ABCC4: variants seen among roughly 807,000 people sequenced by gnomAD.
ABCC4 encodes ATP-binding cassette sub-family C member 4.
A neutral mutation model predicts 168.5 loss-of-function variants in ABCC4; 102 were observed. The ratio of observed to expected loss-of-function variants is 0.61; its 90% CI spans 0.52 to 0.71. The LOEUF (loss-of-function observed/expected upper bound fraction) is 0.71. ABCC4 is among the 30% of genes least tolerant of loss of function. The pLI is 0.00. For missense variants in ABCC4, 1,402 were observed against 1,605.8 expected (o/e 0.87, Z 2.17); for synonymous variants, 617 against 590.7 (o/e 1.04, Z -0.65).
At chr13:95,121,269 T>A (rs74105434) in intron 19 of ABCC4, among the ~76,000 whole-genome samples, 2,983 of 152,258 alleles carry the variant, frequency 0.02, 84 homozygotes, top group African/African-American at 0.066. Flanking sequence ...CCAAAGATCA[T>A]GAGGATCAAA....
Position 95,053,196 on chromosome 13 carries a change from A to G in ABCC4, c.3367-12T>C, listed in dbSNP as rs1464623485. ...AACAAAACAGGTTCCTAAGTGCCCA[A>G]AATAGTCACGGTCATTACCACAGAC... On this transcript the variant is annotated splice_polypyrimidine_tract_variant and intron_variant, in intron 26 of 30. Coordinates refer to ENST00000645237, the MANE Select transcript of ABCC4 (RefSeq NM_005845.5). The G allele has an allele frequency of 3.7e-6, 6 of 1,610,016 alleles. No individual in the cohort carries two copies. Among genetic ancestry groups the G allele is most frequent in the East Asian group, 2.2e-5 (1 of 44,858 alleles).
At position 95,205,607 on chromosome 13, in the gene ABCC4, T is replaced by A. The variant is rs1338774018; in HGVS notation, c.1161+925A>T. On this transcript the variant is annotated intron_variant, in intron 8 of 30. Transcript: ENST00000645237. ...GATATAAATTATTTGCCCCTGGCAA[T>A]TGAGTGACAGCGACTTAGGAAAAGG... Among the ~76,000 whole-genome samples, 3 of 152,248 alleles carry A rather than the reference T, an allele frequency of 2.0e-5. No individual in the cohort carries two copies. The East Asian group carries it at 5.8e-4, about 29-fold the overall frequency.
At position 95,044,317 on chromosome 13, in the gene ABCC4, C is replaced by A. The variant is rs766458578; in HGVS notation, c.3578G>T (p.Arg1193Met). Residue 1193 changes from arginine to methionine, a missense_variant, in exon 28 of 31, where the codon AGG (arginine) becomes ATG (methionine). By Grantham distance (91) the Arg-to-Met change is moderately conservative. Around this residue, in one of 3 missense-constraint regions of ABCC4, gnomAD observed 1,007 missense variants for 1,127.3 expected, o/e 0.89. Transcript: ENST00000645237. ...ATCAATAATCAATATCTGATTTTTC[C>A]TGAGAATTGCCCTGGCAAGGCACAC... Reference protein sequence around the residue: ...QLVCLARAILRKNQILIIDEA... With the variant: ...QLVCLARAILMKNQILIIDEA... The A allele has an allele frequency of 1.9e-6, 3 of 1,613,244 alleles. No homozygotes were observed. Among genetic ancestry groups the A allele is most frequent in the Admixed American group, 1.7e-5 (1 of 59,882 alleles).
At chr13:95,258,153 A>G (rs774916134) in intron 1 of ABCC4, among the ~76,000 whole-genome samples, 3 of 152,334 alleles carry the variant, frequency 2.0e-5, no homozygotes, top group East Asian at 3.9e-4. Flanking sequence ...ACAGCCTGCT[A>G]GCTGGCCTAC....
At chr13:95,185,439 C>G (rs1341476668) in intron 11 of ABCC4, among the ~76,000 whole-genome samples, 2 of 152,236 alleles carry the variant, frequency 1.3e-5, no homozygotes, top group Non-Finnish European at 1.5e-5. Context: ...ATTAAACAAG[C>G]AATGATTTCT....
chr13:95,190,468 G>A (rs564205413), intron 9 of ABCC4, among the ~76,000 whole-genome samples: 1 of 152,276 alleles, frequency 6.6e-6, no homozygotes, highest in East Asian at 1.9e-4. Context: ...GTTTACCAGA[G>A]CATGATAGGG....
chr13:95,093,923 A>C (rs1003692048), intron 20 of ABCC4, among the ~76,000 whole-genome samples: 23 of 152,132 alleles, frequency 1.5e-4, no homozygotes, highest in African/African-American at 5.3e-4. Context: ...CTTTTACAAT[A>C]GCTGCAAAAA....
chr13:95,075,581 G>A, intron 21 of ABCC4, 30 bp from the exon 22 acceptor site: 1 of 1,613,024 alleles, frequency 6.2e-7, no homozygotes, highest in Non-Finnish European at 8.5e-7. Flanking sequence ...AAACAGCTCA[G>A]TGAGGCTGGG....
Position 95,071,646 on chromosome 13 carries a change from G to C in ABCC4, c.3210+16C>G. ...ATCTTCTGAAATTGAGAAGAGGCAA[G>C]ATGCTTTAAACAAACCTTTTCTTGT... is the stretch of plus-strand genomic sequence containing the variant. On this transcript the variant is annotated intron_variant, in intron 25 of 30. Coordinates refer to ENST00000645237, the MANE Select transcript of ABCC4 (RefSeq NM_005845.5). The C allele has an allele frequency of 7.1e-7, 1 of 1,402,234 alleles. No homozygotes were observed. The highest frequency in any genetic ancestry group is 1.5e-5 in the African/African-American group (1 of 67,918). The allele number at this position is 1,402,234 out of a possible 1,614,324, so 86.9% of individuals were successfully genotyped here.
chr13:95,104,749 C>G (rs1026890307), intron 20 of ABCC4, among the ~76,000 whole-genome samples: 1 of 152,124 alleles, frequency 6.6e-6, no homozygotes, highest in African/African-American at 2.4e-5. Context: ...TCTGAGGAAG[C>G]ATAATGAGGC....
At chr13:95,210,849 C>T in intron 4 of ABCC4, 68 bp from the exon 5 acceptor site, 1 of 1,209,208 alleles carries the variant, frequency 8.3e-7, no homozygotes, top group Non-Finnish European at 1.2e-6. Context: ...TAGGACACAG[C>T]AGACCTGAGG....
intron 29 of ABCC4, among the ~76,000 whole-genome samples, chr13:95,040,012 T>G (rs1337779895): frequency 6.6e-6 from 1 of 152,214 alleles, no homozygotes; most frequent in Non-Finnish European, 1.5e-5. Context: ...GAGAGTCATC[T>G]GACGTTGGAG....
chr13:95,090,385 C>T (rs1311413828), intron 20 of ABCC4, among the ~76,000 whole-genome samples: 2 of 152,190 alleles, frequency 1.3e-5, no homozygotes, highest in African/African-American at 4.8e-5. Context: ...ACCACCTCCA[C>T]CGGAACAGGT....
At chr13:95,130,752 C>T (rs759023146) in intron 19 of ABCC4, among the ~76,000 whole-genome samples, 7 of 152,154 alleles carry the variant, frequency 4.6e-5, no homozygotes, top group Admixed American at 2.6e-4. Flanking sequence ...TCTTTGGTTG[C>T]GATGGAGAAT....
intron 1 of ABCC4, among the ~76,000 whole-genome samples, chr13:95,294,747 G>C (rs2041484753): frequency 6.6e-6 from 1 of 152,122 alleles, no homozygotes; most frequent in African/African-American, 2.4e-5. Flanking sequence ...GAGGTCAGGA[G>C]TTCAAGACCA....
At chr13:95,262,702 G>A (rs933229094) in intron 1 of ABCC4, among the ~76,000 whole-genome samples, 4 of 150,768 alleles carry the variant, frequency 2.7e-5, no homozygotes, top group Admixed American at 6.6e-5. Context: ...GTGCGATCTC[G>A]GCTCACCACA....
intron 1 of ABCC4, among the ~76,000 whole-genome samples, chr13:95,260,702 G>A (rs1040808816): frequency 5.3e-5 from 8 of 152,066 alleles, no homozygotes; most frequent in African/African-American, 1.7e-4. Context: ...GGGTGATAAT[G>A]GGGTAATCAA....
chr13:95,250,619 C>A (rs879660647), intron 1 of ABCC4, among the ~76,000 whole-genome samples: 4 of 152,056 alleles, frequency 2.6e-5, no homozygotes, highest in Non-Finnish European at 5.9e-5. Flanking sequence ...AGGATCACAA[C>A]CCCCAGCATC....
chr13:95,134,699 G>A (rs1186175846), intron 19 of ABCC4, among the ~76,000 whole-genome samples: 1 of 152,074 alleles, frequency 6.6e-6, no homozygotes, highest in Non-Finnish European at 1.5e-5. Flanking sequence ...CAGCCTGGGT[G>A]ACAGAGCAAG....
Sources: allele counts gnomAD v4.1 joint callset (sites outside exome capture counted in the v4.1 genomes callset), GRCh38; gene constraint gnomAD v4.1.1; regional missense constraint gnomAD v4.1.1; transcripts MANE v1.5; gene names NCBI Gene and HGNC (gene_info 2026-07-23, HGNC 2026-07-21).